ADGRA3: variants seen among roughly 807,000 people sequenced by gnomAD.
ADGRA3 encodes the protein G-protein coupled receptor 125.
In ADGRA3, 56 loss-of-function variants were observed where a neutral mutation model predicts 119.8. The observed-to-expected ratio is 0.47, with a 90% CI of 0.38 to 0.58. ADGRA3 has a LOEUF of 0.58. Among genes scored for constraint, ADGRA3 ranks in the 20% least tolerant of loss-of-function variants. ADGRA3 has a pLI of 0.00. For missense variants in ADGRA3, 1,516 were observed against 1,649.0 expected (o/e 0.92, Z 1.40); for synonymous variants, 607 against 623.8 (o/e 0.97, Z 0.40).
At chr4:22,425,895 A>T (rs1026986688) in intron 10 of ADGRA3, among the ~76,000 whole-genome samples, 3 of 152,188 alleles carry the variant, frequency 2.0e-5, no homozygotes, top group Non-Finnish European at 2.9e-5. Context: ...AAATACATAG[A>T]TGAGAACAGG....
intron 1 of ADGRA3, among the ~76,000 whole-genome samples, chr4:22,476,753 GC>G (rs1006856437): frequency 2.0e-5 from 3 of 151,230 alleles, no homozygotes; most frequent in Non-Finnish European, 2.9e-5. Flanking sequence ...TACAATCTAC[GC>G]CTCCAGGGTT....
At chr4:22,495,338 C>T (rs1293506426) in intron 1 of ADGRA3, among the ~76,000 whole-genome samples, 3 of 152,004 alleles carry the variant, frequency 2.0e-5, no homozygotes, top group South Asian at 2.1e-4. Flanking sequence ...CATTGAGAGT[C>T]GGATCGCAGG....
intron 1 of ADGRA3, among the ~76,000 whole-genome samples, chr4:22,497,373 T>C (rs1718869993): frequency 6.6e-6 from 1 of 152,188 alleles, no homozygotes. Context: ...AAAAAGTCTC[T>C]GTTTCTGACA....
rs761942285 is a variant in ADGRA3 at position 22,387,991 on chromosome 4, T to C, written c.3680A>G (p.Tyr1227Cys). The C allele has an allele frequency of 3.1e-6, 5 of 1,614,076 alleles. No homozygotes were observed. The highest frequency in any genetic ancestry group is 1.3e-5 in the African/African-American group (1 of 74,946). Reference protein sequence around the residue: ...HSRSRRAYLAYRERQYNPPQQ... With the variant: ...HSRSRRAYLACRERQYNPPQQ... The stretch of plus-strand genomic sequence containing the variant: ...GGGTGGGTTGTACTGTCTCTCTCTG[T>C]AGGCTAAATAAGCTCTTCGGCTCCT... The change falls in exon 19 of 19, where the codon TAC becomes TGC. Residue 1227 changes from tyrosine to cysteine, a missense_variant. Tyr to Cys is a radical substitution (Grantham distance 194). This residue lies in a region of ADGRA3 where 1,088 missense variants were observed against 1,107.1 expected (regional missense o/e 0.98). Coordinates refer to ENST00000334304, the MANE Select transcript of ADGRA3 (RefSeq NM_145290.4).
At chr4:22,401,800 A>G (rs905721917) in intron 15 of ADGRA3, among the ~76,000 whole-genome samples, 5 of 152,150 alleles carry the variant, frequency 3.3e-5, no homozygotes, top group Non-Finnish European at 5.9e-5. Context: ...CCATTTATAG[A>G]ACCACTGCAC....
intron 6 of ADGRA3, among the ~76,000 whole-genome samples, chr4:22,443,558 T>C (rs1716709197): frequency 6.6e-6 from 1 of 152,152 alleles, no homozygotes; most frequent in African/African-American, 2.4e-5. Flanking sequence ...AGTCCTTCCA[T>C]TATTTATGAA....
chr4:22,504,170 A>G lies in ADGRA3; in HGVS notation c.257+11358T>C, dbSNP rs145234608. Among the ~76,000 whole-genome samples, 42 of 152,326 alleles carry G rather than the reference A, an allele frequency of 2.8e-4. 1 individual carries two copies. In the East Asian group the frequency reaches 6.8e-3, roughly 25 times the overall value. ...CCCAACCATGGTGAGTACTCAAGAA[A>G]AAAAGATTGCAAATATGCACAATTC... On this transcript the variant is annotated intron_variant, in intron 1 of 18. Transcript: ENST00000334304.
chr4:22,511,895 C>CTTTTGT (rs1719460454), intron 1 of ADGRA3, among the ~76,000 whole-genome samples: 1 of 102,614 alleles, frequency 9.7e-6, no homozygotes, highest in African/African-American at 4.0e-5. Context: ...TTCTTTCTTT[C>CTTTTGT]TTTTTTTTTT....
chr4:22,500,656 T>A (rs1157103644), intron 1 of ADGRA3, among the ~76,000 whole-genome samples: 1 of 151,504 alleles, frequency 6.6e-6, no homozygotes, highest in Non-Finnish European at 1.5e-5. Context: ...CAACAACAGG[T>A]TTTTTTACTC....
chr4:22,421,254 AAAAG>A (rs1715667678), intron 11 of ADGRA3, among the ~76,000 whole-genome samples, 165 bp from the exon 12 acceptor site: 1 of 151,970 alleles, frequency 6.6e-6, no homozygotes, highest in African/African-American at 2.4e-5. Flanking sequence ...TAAAAAAAAA[AAAAG>A]AAAGACAGAC....
At chr4:22,461,159 G>A (rs1454575123) in intron 3 of ADGRA3, among the ~76,000 whole-genome samples, 2 of 152,194 alleles carry the variant, frequency 1.3e-5, no homozygotes, top group African/African-American at 4.8e-5. Flanking sequence ...TTCATAATTT[G>A]AAAATCGTCT....
chr4:22,442,793 G>T lies in ADGRA3; in HGVS notation c.777C>A (p.Ser259Arg), dbSNP rs562864844. ...SHRQVVFEGDSLPFQCMASYI... is the reference protein window; with the variant it reads ...SHRQVVFEGDRLPFQCMASYI... ...ATGAAGCCATGCACTGGAAAGGAAG[G>T]CTGTCTCCTTCAAACACAACTTGGC... is the stretch of plus-strand genomic sequence containing the variant. The change falls in exon 7 of 19, where the codon AGC becomes AGA. Residue 259 changes from serine to arginine, a missense_variant. By Grantham distance (110) the Ser-to-Arg change is moderately radical. Transcript: ENST00000334304. 8 of 1,612,102 alleles carry T rather than the reference G, an allele frequency of 5.0e-6. No homozygotes were observed. The South Asian group carries it at 8.8e-5, about 18-fold the overall frequency.
chr4:22,432,169 G>C (rs145655986), intron 10 of ADGRA3, among the ~76,000 whole-genome samples: 9 of 152,142 alleles, frequency 5.9e-5, no homozygotes, highest in Non-Finnish European at 1.0e-4. Flanking sequence ...ATAGAAAATG[G>C]AGCTGTTACA....
chr4:22,447,418 A>T, intron 5 of ADGRA3, 22 bp downstream of exon 5: 1 of 1,357,464 alleles, frequency 7.4e-7, no homozygotes, highest in Non-Finnish European at 1.0e-6. Context: ...AAAAAAAAAG[A>T]GAGAAAAAAA....
At position 22,440,067 on chromosome 4, in the gene ADGRA3, C is replaced by T. The variant is rs77553189; in HGVS notation, c.921-1647G>A. On this transcript the variant is annotated intron_variant, in intron 7 of 18. Transcript: ENST00000334304. ...TCTAAAATTAATCTAACCTCAGATT[C>T]GGATCAGACAATGATGCTCATTTCT... 5.0e-3 allele frequency among the ~76,000 whole-genome samples: 760 copies of T among 152,286 alleles called. 4 individuals carry two copies. The highest frequency in any genetic ancestry group is 8.3e-3 in the Non-Finnish European group (566 of 68,022).
chr4:22,397,446 C>T (rs571963444), intron 16 of ADGRA3, among the ~76,000 whole-genome samples: 1 of 152,212 alleles, frequency 6.6e-6, no homozygotes, highest in South Asian at 2.1e-4. Context: ...TCCCAAAGTT[C>T]AACTACTATA....
chr4:22,416,781 G>A (rs1405302214), intron 12 of ADGRA3, among the ~76,000 whole-genome samples: 1 of 152,094 alleles, frequency 6.6e-6, no homozygotes, highest in Non-Finnish European at 1.5e-5. Context: ...AGAAATGACT[G>A]TTACCACACA....
At position 22,388,380 on chromosome 4, in the gene ADGRA3, T is replaced by C; in HGVS notation, c.3291A>G (p.Ser1097=). 6.2e-7 allele frequency: 1 copy of C among 1,614,076 alleles called. No individual in the cohort carries two copies. Among genetic ancestry groups the C allele is most frequent in the Non-Finnish European group, 8.5e-7 (1 of 1,179,990 alleles). ...AGCTTGAAGCACTTTTGTTTGTGCA[T>C]GAAGACTCCGCACTGCTATTGGGGC... ...PKCPNSSAES[S]CTNKSASSFK... The change falls in exon 19 of 19, where the codon TCA becomes TCG. Residue 1097 remains serine, a synonymous_variant. Coordinates refer to ENST00000334304, the MANE Select transcript of ADGRA3 (RefSeq NM_145290.4).
intron 2 of ADGRA3, among the ~76,000 whole-genome samples, chr4:22,470,245 A>T (rs1286705515): frequency 6.6e-6 from 1 of 152,020 alleles, no homozygotes; most frequent in African/African-American, 2.4e-5. Context: ...AAACTAGAAA[A>T]CTAGCTTCCA....
Sources: gnomAD v4.1 joint callset for allele counts (sites outside exome capture counted in the v4.1 genomes callset) on GRCh38, gnomAD v4.1.1 for gene constraint, gnomAD v4.1.1 regional missense constraint, MANE v1.5 for transcripts, NCBI Gene and HGNC (gene_info 2026-07-23, HGNC 2026-07-21) for gene names.